Variants in BNC2 observed in about 807,000 individuals in gnomAD.
The protein encoded by BNC2 is zinc finger protein basonuclin-2.
BNC2 carries 20 observed loss-of-function variants against 76.3 expected under a neutral mutation model. That is an observed-to-expected ratio of 0.26 (90% CI 0.18 to 0.38). The LOEUF is 0.38. BNC2 is among the 10% of genes least tolerant of loss of function. BNC2 has a pLI of 1.00. For synonymous variants in BNC2, 582 were observed against 514.8 expected (o/e 1.13, Z -1.77); for missense variants, 1,382 against 1,399.8 (o/e 0.99, Z 0.20).
chr9:16,555,415 C>T (rs1218930646), intron 4 of BNC2, among the ~76,000 whole-genome samples: 2 of 152,090 alleles, frequency 1.3e-5, no homozygotes, highest in Admixed American at 6.5e-5. Flanking sequence ...AAAAATATTT[C>T]CCTAGATATG....
intron 5 of BNC2, among the ~76,000 whole-genome samples, chr9:16,448,853 T>C (rs1821281541): frequency 1.3e-5 from 2 of 152,242 alleles, no homozygotes; most frequent in South Asian, 2.1e-4. Flanking sequence ...TTTCCTTTGA[T>C]TGCTCAGATT....
intron 5 of BNC2, among the ~76,000 whole-genome samples, chr9:16,509,478 C>T (rs1429768578): frequency 6.6e-6 from 1 of 152,186 alleles, no homozygotes; most frequent in Non-Finnish European, 1.5e-5. Flanking sequence ...ATCAGACATA[C>T]TGGGAATCCA....
intron 3 of BNC2, among the ~76,000 whole-genome samples, chr9:16,623,250 C>A (rs1055216610): frequency 6.6e-6 from 1 of 151,992 alleles, no homozygotes. Flanking sequence ...ATTGAAAGTG[C>A]GGCATACAAG....
chr9:16,655,369 A>T (rs1563882340), intron 3 of BNC2, among the ~76,000 whole-genome samples: 1 of 152,156 alleles, frequency 6.6e-6, no homozygotes, highest in Non-Finnish European at 1.5e-5. Flanking sequence ...GATTACTTGG[A>T]ATTTGCCCCT....
At chr9:16,627,485 T>C (rs1029504096) in intron 3 of BNC2, among the ~76,000 whole-genome samples, 1 of 152,188 alleles carries the variant, frequency 6.6e-6, no homozygotes, top group Admixed American at 6.5e-5. Context: ...CAATATTCAA[T>C]GCGGCTCACA....
At chr9:16,720,940 C>T (rs1824137704) in intron 3 of BNC2, among the ~76,000 whole-genome samples, 2 of 152,206 alleles carry the variant, frequency 1.3e-5, no homozygotes, top group African/African-American at 4.8e-5. Context: ...ATAAATTTTT[C>T]ACCTGAGGGT....
At chr9:16,434,390 A>G (rs888703801) in intron 6 of BNC2, among the ~76,000 whole-genome samples, 2 of 152,196 alleles carry the variant, frequency 1.3e-5, no homozygotes, top group Admixed American at 6.5e-5. Context: ...ACTGCTTACT[A>G]TTGGTGGCTC....
chr9:16,670,619 C>T (rs765332613), intron 3 of BNC2, among the ~76,000 whole-genome samples: 9 of 152,160 alleles, frequency 5.9e-5, no homozygotes, highest in Non-Finnish European at 1.0e-4. Context: ...AAATGCGTTA[C>T]CTATTCTAGA....
intron 3 of BNC2, among the ~76,000 whole-genome samples, chr9:16,721,013 C>A (rs184130310): frequency 6.6e-6 from 1 of 152,122 alleles, no homozygotes; most frequent in Non-Finnish European, 1.5e-5. Context: ...AAAAAATAAT[C>A]AATACTTTTA....
chr9:16,801,463 C>T (rs1305782633), intron 1 of BNC2, among the ~76,000 whole-genome samples: 2 of 151,298 alleles, frequency 1.3e-5, no homozygotes, highest in African/African-American at 2.4e-5. Context: ...GTCTTGAACT[C>T]GTGACCTCGT....
At chr9:16,460,598 G>A (rs1177087712) in intron 5 of BNC2, among the ~76,000 whole-genome samples, 1 of 152,154 alleles carries the variant, frequency 6.6e-6, no homozygotes, top group Non-Finnish European at 1.5e-5. Flanking sequence ...ACTCTAGCCT[G>A]TGTGACAGGG....
chr9:16,588,971 C>T (rs546247404), intron 3 of BNC2, among the ~76,000 whole-genome samples: 8 of 152,248 alleles, frequency 5.3e-5, no homozygotes, highest in Admixed American at 1.3e-4. Context: ...AGTTATCTGA[C>T]GCAAATTTAA....
At chr9:16,692,551 G>C (rs539269477) in intron 3 of BNC2, among the ~76,000 whole-genome samples, 120 of 152,210 alleles carry the variant, frequency 7.9e-4, no homozygotes, top group African/African-American at 2.8e-3. Flanking sequence ...ATCTGTAAAT[G>C]GTACTCTGCC....
chr9:16,447,182 C>A lies in BNC2; in HGVS notation c.670-9658G>T, dbSNP rs144697691. Among the ~76,000 whole-genome samples, 7 of 152,108 alleles carry A rather than the reference C, an allele frequency of 4.6e-5. No homozygotes were observed. In the East Asian group the frequency reaches 1.3e-3, roughly 29 times the overall value. On this transcript the variant is annotated intron_variant, in intron 5 of 6. Transcript: ENST00000380672. ...AATCCAGTTGATATTCCTAGTATAC[C>A]AATCTTTAAAATCAAATTACCTATG...
At chr9:16,749,833 C>A (rs953308098) in intron 1 of BNC2, among the ~76,000 whole-genome samples, 4 of 152,156 alleles carry the variant, frequency 2.6e-5, no homozygotes, top group Admixed American at 2.6e-4. Flanking sequence ...GAAATTTGGA[C>A]TTCAAATTTC....
rs182585840 is a variant in BNC2, at chr9:16,738,952, C to T, written c.4-467G>A. Among the ~76,000 whole-genome samples the T allele has an allele frequency of 2.1e-3, 325 of 151,326 alleles. 2 individuals carry two copies. The highest frequency in any genetic ancestry group is 3.4e-3 in the Middle Eastern group (1 of 294). On this transcript the variant is annotated intron_variant, in intron 1 of 6. Transcript: ENST00000380672. ...GGAGATAAGCTATGAACAAAACAACCTTAACAAAAACAGAATAGGAAAAGA... is the reference window on the plus strand; with the variant it reads ...GGAGATAAGCTATGAACAAAACAACTTTAACAAAAACAGAATAGGAAAAGA...
chr9:16,785,105 C>G (rs902758726), intron 1 of BNC2, among the ~76,000 whole-genome samples: 1 of 152,180 alleles, frequency 6.6e-6, no homozygotes, highest in African/African-American at 2.4e-5. Flanking sequence ...TGTGTTTGCA[C>G]TTTGTAGAAA....
Position 16,689,524 on chromosome 9 carries a change from C to T in BNC2, c.330+38273G>A, listed in dbSNP as rs533024880. On this transcript the variant is annotated intron_variant, in intron 3 of 6. Transcript: ENST00000380672. ...AACTAACTTCCATGTGAGCTCCAGT[C>T]TCCTCAGTCAAGCTGGCCCCAAGCC... Among the ~76,000 whole-genome samples, 35 of 152,222 alleles carry T rather than the reference C, an allele frequency of 2.3e-4. 1 individual carries two copies. The South Asian group carries it at 6.9e-3, about 30-fold the overall frequency.
Position 16,412,720 on chromosome 9 carries a change from G to GGAGAGAGAGAGAGAGAGAGAGAGA in BNC2, c.*6245_*6268dup, listed in dbSNP as rs58174243. On this transcript the variant is annotated 3_prime_UTR_variant, in exon 7 of 7. Coordinates refer to ENST00000380672, the MANE Select transcript of BNC2 (RefSeq NM_017637.6). ...AATAAGAGGGAAGGAGAGAGAGAGG[G>GGAGAGAGAGAGAGAGAGAGAGAGA]GAGAGAGAGAGAGAGAGAGAGAGAG... 2.5e-5 allele frequency: 3 copies of GGAGAGAGAGAGAGAGAGAGAGAGA among 119,952 alleles called. No individual in the cohort carries two copies. Among genetic ancestry groups the GGAGAGAGAGAGAGAGAGAGAGAGA allele is most frequent in the Non-Finnish European group, 5.5e-5 (3 of 54,618 alleles). The allele number at this position is 119,952 out of a possible 1,614,324, so 7.4% of individuals were successfully genotyped here. A position where few individuals can be genotyped will look rare whatever the true frequency, so the allele number is the denominator to read the frequency against.
Sources: allele counts gnomAD v4.1 joint callset (sites outside exome capture counted in the v4.1 genomes callset), GRCh38; gene constraint gnomAD v4.1.1; transcripts MANE v1.5; gene names NCBI Gene and HGNC (gene_info 2026-07-23, HGNC 2026-07-21).